Variants in PCDH15 observed in about 807,000 individuals in gnomAD.
PCDH15 encodes the protein protocadherin related 15.
In PCDH15, 129 loss-of-function variants were observed where a neutral mutation model predicts 178.5. The ratio of observed to expected loss-of-function variants is 0.72; its 90% CI spans 0.63 to 0.84. PCDH15 has a LOEUF of 0.84. Among genes scored for constraint, PCDH15 ranks in the 40% least tolerant of loss-of-function variants. The pLI, the probability that PCDH15 is intolerant of heterozygous loss-of-function variation, is 0.00. For synonymous variants in PCDH15, 800 were observed against 732.0 expected (o/e 1.09, Z -1.50); for missense variants, 2,230 against 2,099.9 (o/e 1.06, Z -1.21).
chr10:55,408,488 C>T (rs1359501668), intron 2 of PCDH15, among the ~76,000 whole-genome samples: 1 of 151,998 alleles, frequency 6.6e-6, no homozygotes. Context: ...CCTGTCATAA[C>T]CTTGATTCTA....
At chr10:55,530,620 T>C (rs1036630726) in intron 2 of PCDH15, among the ~76,000 whole-genome samples, 3 of 152,016 alleles carry the variant, frequency 2.0e-5, no homozygotes, top group Non-Finnish European at 4.4e-5. Context: ...CCTGAATTAA[T>C]AGAATAAAGT....
intron 2 of PCDH15, among the ~76,000 whole-genome samples, chr10:55,393,824 A>T (rs1410932506): frequency 6.6e-6 from 1 of 152,142 alleles, no homozygotes; most frequent in Non-Finnish European, 1.5e-5. Flanking sequence ...GAAGCTGTGC[A>T]CAAATGTCTT....
rs546981983 is a variant in PCDH15 at position 55,375,966 on chromosome 10, C to T, written c.-155-209315G>A. Among the ~76,000 whole-genome samples, 17 of 151,448 alleles carry T rather than the reference C, an allele frequency of 1.1e-4. No homozygotes were observed. The South Asian group carries it at 2.8e-3, about 25-fold the overall frequency. Reference sequence around the variant, plus strand: ...AATAAATATGAGTGTTTATTTTATTCGTAGTGTCTATAAAAATAGTTAATA... The same window carrying T: ...AATAAATATGAGTGTTTATTTTATTTGTAGTGTCTATAAAAATAGTTAATA... On this transcript the variant is annotated intron_variant, in intron 2 of 5. Coordinates refer to the PCDH15 transcript ENST00000613346.
intron 24 of PCDH15, 58 bp from the exon 25 acceptor site, chr10:53,939,013 C>T: frequency 6.4e-7 from 1 of 1,560,460 alleles, no homozygotes; most frequent in Non-Finnish European, 8.8e-7. Context: ...GAAAGAAATT[C>T]TCTTTAAAAG....
intron 3 of PCDH15, among the ~76,000 whole-genome samples, chr10:54,486,048 T>C (rs1467263202): frequency 6.6e-6 from 1 of 152,042 alleles, no homozygotes; most frequent in African/African-American, 2.4e-5. Flanking sequence ...GACTTTTATC[T>C]TCCATGAGCA....
intron 1 of PCDH15, among the ~76,000 whole-genome samples, chr10:55,243,251 A>G (rs550189106): frequency 2.8e-4 from 42 of 152,314 alleles, no homozygotes; most frequent in African/African-American, 9.9e-4. Flanking sequence ...ACACACAACA[A>G]ATGAACAAGA....
At chr10:53,881,936 A>C (rs1027123168) in intron 26 of PCDH15, among the ~76,000 whole-genome samples, 6 of 151,838 alleles carry the variant, frequency 4.0e-5, no homozygotes, top group Admixed American at 3.9e-4. Flanking sequence ...TAACATTACA[A>C]TTCCATTTTG....
intron 1 of PCDH15, among the ~76,000 whole-genome samples, chr10:55,313,175 A>G (rs1843633427): frequency 6.6e-6 from 1 of 152,086 alleles, no homozygotes; most frequent in African/African-American, 2.4e-5. Context: ...ACTCATACAT[A>G]TATATTCCAA....
At chr10:54,694,890 T>C (rs1475811985) in intron 1 of PCDH15, among the ~76,000 whole-genome samples, 1 of 151,932 alleles carries the variant, frequency 6.6e-6, no homozygotes, top group Non-Finnish European at 1.5e-5. Context: ...TAAATAAGCT[T>C]AGTGAGAAAG....
At chr10:55,596,039 G>T (rs1217279807) in intron 2 of PCDH15, among the ~76,000 whole-genome samples, 1 of 151,950 alleles carries the variant, frequency 6.6e-6, no homozygotes, top group African/African-American at 2.4e-5. Context: ...AGACACAGAA[G>T]TTGAATACTT....
At chr10:54,390,953 AG>A (rs1179229137) in intron 3 of PCDH15, among the ~76,000 whole-genome samples, 1 of 152,158 alleles carries the variant, frequency 6.6e-6, no homozygotes, top group Non-Finnish European at 1.5e-5. Context: ...GAGGATCAAA[AG>A]GGTTGAGAGT....
intron 22 of PCDH15, among the ~76,000 whole-genome samples, chr10:53,960,786 A>G (rs1301436618): frequency 4.6e-5 from 7 of 152,220 alleles, no homozygotes; most frequent in Non-Finnish European, 8.8e-5. Context: ...AAATCATGAG[A>G]GACATAGTGC....
Position 54,773,279 on chromosome 10 carries a change from G to T in PCDH15, c.-29+27646C>A, listed in dbSNP as rs1017088115. ...GCTGAAGACTTTTTTTTTTCTTAGA[G>T]GGAGAAACTAGATCTAAATGAGTCA... On this transcript the variant is annotated intron_variant, in intron 1 of 37. Coordinates refer to ENST00000644397, the MANE Select transcript of PCDH15 (RefSeq NM_001384140.1). 2.6e-5 allele frequency among the ~76,000 whole-genome samples: 4 copies of T among 151,746 alleles called. No homozygotes were observed. The East Asian group carries it at 7.7e-4, about 29-fold the overall frequency.
intron 2 of PCDH15, chr10:54,568,698 T>G (rs1176085532): frequency 1.3e-5 from 2 of 152,154 alleles, no homozygotes; most frequent in Admixed American, 1.3e-4. Flanking sequence ...ATTTCACTAT[T>G]GTTTACCTGT....
chr10:53,925,838 T>A (rs1187873246), intron 25 of PCDH15, among the ~76,000 whole-genome samples: 1 of 152,222 alleles, frequency 6.6e-6, no homozygotes, highest in Non-Finnish European at 1.5e-5. Context: ...GATGCTTTCT[T>A]TGCCTGGTTT....
intron 2 of PCDH15, among the ~76,000 whole-genome samples, chr10:55,390,573 T>A (rs780136383): frequency 6.6e-6 from 1 of 152,140 alleles, no homozygotes; most frequent in Non-Finnish European, 1.5e-5. Context: ...GCATCTAGAG[T>A]GGCAAATAAC....
At chr10:54,051,549 T>C (rs2093774799) in intron 18 of PCDH15, among the ~76,000 whole-genome samples, 2 of 152,112 alleles carry the variant, frequency 1.3e-5, no homozygotes, top group South Asian at 2.1e-4. Context: ...AACTTTAAAC[T>C]TGAGAGAGAT....
intron 1 of PCDH15, among the ~76,000 whole-genome samples, chr10:55,218,522 C>T (rs868571192): frequency 2.6e-5 from 4 of 151,962 alleles, no homozygotes; most frequent in African/African-American, 9.7e-5. Flanking sequence ...CCTGACTCAG[C>T]CTAGTAGCTT....
chr10:54,311,889 AT>A lies in PCDH15; in HGVS notation c.876+5381del, dbSNP rs140934731. On this transcript the variant is annotated intron_variant, in intron 8 of 37. Transcript: ENST00000644397. ...TATTATATCATAGTTCATGAGATAA[AT>A]TTATTAATAGACTATATTTTTAAAA... is the stretch of plus-strand genomic sequence containing the variant. 9.9e-4 allele frequency among the ~76,000 whole-genome samples: 151 copies of A among 152,168 alleles called. 1 individual carries two copies. In the East Asian group the frequency reaches 0.027, roughly 27 times the overall value.
Sources: allele counts gnomAD v4.1 joint callset (sites outside exome capture counted in the v4.1 genomes callset), GRCh38; gene constraint gnomAD v4.1.1; transcripts MANE v1.5; gene names NCBI Gene and HGNC (gene_info 2026-07-23, HGNC 2026-07-21).